The following MSRA variants were observed in gnomAD, a reference collection of about 807,000 sequenced individuals.
MSRA encodes mitochondrial peptide methionine sulfoxide reductase.
A neutral mutation model predicts 31.3 loss-of-function variants in MSRA; 54 were observed. That is an observed-to-expected ratio of 1.73 (90% CI 1.39 to 2.17). The LOEUF is 2.17. MSRA is among the 30% of genes most tolerant of loss of function. The pLI, the probability that MSRA is intolerant of heterozygous loss-of-function variation, is 0.00. For synonymous variants in MSRA, 169 were observed against 116.5 expected (o/e 1.45, Z -2.90); for missense variants, 507 against 300.9 (o/e 1.69, Z -5.07).
chr8:10,264,206 C>G (rs549830046), intron 3 of MSRA, among the ~76,000 whole-genome samples: 27 of 152,284 alleles, frequency 1.8e-4, no homozygotes, highest in African/African-American at 4.1e-4. Context: ...TTCTCAAACT[C>G]TACCTGTGTG....
rs148344023 is a variant in MSRA at position 10,269,055 on chromosome 8, G to A, written c.331+23832G>A. Among the ~76,000 whole-genome samples, 19 of 152,332 alleles carry A rather than the reference G, an allele frequency of 1.2e-4. No individual in the cohort carries two copies. The East Asian group carries it at 3.7e-3, about 29-fold the overall frequency. ...TCCTTGCACAGTCGTTTGTCTCCAGGTTTGAATGCTTCTCCAACGCCTTTA... is the reference window on the plus strand; with the variant it reads ...TCCTTGCACAGTCGTTTGTCTCCAGATTTGAATGCTTCTCCAACGCCTTTA... On this transcript the variant is annotated intron_variant, in intron 3 of 5. Coordinates refer to ENST00000317173, the MANE Select transcript of MSRA (RefSeq NM_012331.5).
intron 3 of MSRA, among the ~76,000 whole-genome samples, chr8:10,256,924 T>G (rs1338738406): frequency 6.6e-6 from 1 of 152,210 alleles, no homozygotes; most frequent in Non-Finnish European, 1.5e-5. Flanking sequence ...CAGAAGAAAC[T>G]CTCAGAGGTC....
In MSRA at chr8:10,202,680, G is replaced by A. The variant is rs143580282; in HGVS notation, c.143-5153G>A. Among the ~76,000 whole-genome samples, 357 of 152,240 alleles carry A rather than the reference G, an allele frequency of 2.3e-3. 3 individuals are homozygous for A. Among genetic ancestry groups the A allele is most frequent in the African/African-American group, 8.1e-3 (338 of 41,542 alleles). On this transcript the variant is annotated intron_variant, in intron 1 of 5. Coordinates refer to ENST00000317173, the MANE Select transcript of MSRA (RefSeq NM_012331.5). ...GGGAGGTGACTAATGTTTATTTGCC[G>A]TTCCTGAAACAGACCTGTTGGAAAG...
intron 4 of MSRA, among the ~76,000 whole-genome samples, chr8:10,311,257 G>T (rs1452997465): frequency 1.3e-5 from 2 of 152,152 alleles, no homozygotes; most frequent in Non-Finnish European, 2.9e-5. Flanking sequence ...TCACATCAAA[G>T]GGCTGACAGA....
chr8:10,110,412 G>A (rs115116090), intron 1 of MSRA, among the ~76,000 whole-genome samples: 274 of 152,292 alleles, frequency 1.8e-3, no homozygotes, highest in African/African-American at 6.4e-3. Flanking sequence ...ATGGTTGTCA[G>A]GGGCCAAAGG....
At chr8:10,356,271 G>T (rs548131727) in intron 5 of MSRA, among the ~76,000 whole-genome samples, 1 of 152,158 alleles carries the variant, frequency 6.6e-6, no homozygotes, top group African/African-American at 2.4e-5. Context: ...CTTGAAAAAA[G>T]TTTGTTTTCT....
intron 5 of MSRA, among the ~76,000 whole-genome samples, chr8:10,390,999 C>T (rs1184027179): frequency 6.6e-6 from 1 of 150,380 alleles, no homozygotes; most frequent in Non-Finnish European, 1.5e-5. Context: ...AAAAACAGCA[C>T]AAGGTGCTGT....
At chr8:10,215,344 C>A (rs868431754) in intron 2 of MSRA, among the ~76,000 whole-genome samples, 1 of 152,156 alleles carries the variant, frequency 6.6e-6, no homozygotes, top group African/African-American at 2.4e-5. Flanking sequence ...TCATCTGTAA[C>A]ATGACAAGAA....
Position 10,325,503 on chromosome 8 carries a change from ATC to A in MSRA, c.543+5520_543+5521del, listed in dbSNP as rs199904943. The stretch of plus-strand genomic sequence containing the variant: ...TATATTTGTTTAGCTGTAGATGTGT[ATC>A]TCTCTATGTCTTTATATAAAGTTAA... On this transcript the variant is annotated intron_variant, in intron 5 of 5. Coordinates refer to ENST00000317173, the MANE Select transcript of MSRA (RefSeq NM_012331.5). 5.3e-3 allele frequency among the ~76,000 whole-genome samples: 813 copies of A among 152,274 alleles called. 24 individuals are homozygous for A. Among genetic ancestry groups the A allele is most frequent in the Admixed American group, 0.048 (738 of 15,282 alleles).
chr8:10,222,076 G>C (rs549838207), intron 2 of MSRA, among the ~76,000 whole-genome samples: 2 of 151,948 alleles, frequency 1.3e-5, no homozygotes, highest in Admixed American at 6.5e-5. Context: ...GAGGTATGAC[G>C]TGACTTTTTT....
intron 5 of MSRA, among the ~76,000 whole-genome samples, chr8:10,369,848 C>T (rs938243608): frequency 2.6e-5 from 4 of 152,142 alleles, no homozygotes; most frequent in African/African-American, 7.2e-5. Flanking sequence ...TTCTAAGTTT[C>T]AAAGCACTAT....
intron 1 of MSRA, among the ~76,000 whole-genome samples, chr8:10,158,324 G>A (rs144829623): frequency 2.6e-5 from 4 of 152,184 alleles, no homozygotes; most frequent in African/African-American, 7.2e-5. Context: ...ATTTTAAAAC[G>A]TTTGCATTAC....
intron 1 of MSRA, among the ~76,000 whole-genome samples, chr8:10,173,490 G>A (rs1214486812): frequency 1.3e-5 from 2 of 152,154 alleles, no homozygotes; most frequent in Non-Finnish European, 2.9e-5. Flanking sequence ...TCTTCTTTCC[G>A]TGAATCCTGA....
chr8:10,346,614 A>G (rs1363289110), intron 5 of MSRA, among the ~76,000 whole-genome samples: 3 of 152,216 alleles, frequency 2.0e-5, no homozygotes, highest in African/African-American at 4.8e-5. Context: ...CAGAGTGGAA[A>G]AGAGGGAAAG....
At chr8:10,152,277 A>G (rs1450094912) in intron 1 of MSRA, among the ~76,000 whole-genome samples, 1 of 152,264 alleles carries the variant, frequency 6.6e-6, no homozygotes, top group Non-Finnish European at 1.5e-5. Context: ...GTATGTATAT[A>G]TAAATAAAAT....
intron 2 of MSRA, among the ~76,000 whole-genome samples, chr8:10,233,015 G>A (rs767517993): frequency 2.0e-5 from 3 of 152,190 alleles, no homozygotes; most frequent in African/African-American, 4.8e-5. Context: ...GGGAGGTGGT[G>A]GTGGTGACAG....
At chr8:10,400,048 C>T (rs142683650) in intron 5 of MSRA, among the ~76,000 whole-genome samples, 1 of 152,218 alleles carries the variant, frequency 6.6e-6, no homozygotes, top group East Asian at 1.9e-4. Flanking sequence ...GGACTAGCAG[C>T]CATTTCAGTG....
intron 3 of MSRA, among the ~76,000 whole-genome samples, chr8:10,281,714 G>A (rs1189076388): frequency 6.6e-6 from 1 of 152,154 alleles, no homozygotes; most frequent in African/African-American, 2.4e-5. Flanking sequence ...CTCCTCTGTG[G>A]GGAATTTTAC....
At chr8:10,151,529 A>C (rs1803679976) in intron 1 of MSRA, among the ~76,000 whole-genome samples, 1 of 152,114 alleles carries the variant, frequency 6.6e-6, no homozygotes, top group African/African-American at 2.4e-5. Flanking sequence ...AGGTGCCTGT[A>C]GTCCCAGCTA....
Sources: allele counts gnomAD v4.1 joint callset (sites outside exome capture counted in the v4.1 genomes callset), GRCh38; gene constraint gnomAD v4.1.1; transcripts MANE v1.5; gene names NCBI Gene and HGNC (gene_info 2026-07-23, HGNC 2026-07-21).